CSPP1: variants seen among roughly 807,000 people sequenced by gnomAD.
The protein encoded by CSPP1 is centrosome and spindle pole-associated protein 1.
CSPP1 carries 126 observed loss-of-function variants against 164.4 expected under a neutral mutation model. The observed-to-expected ratio is 0.77, with a 90% confidence interval of 0.66 to 0.89. The LOEUF is 0.89. CSPP1 is among the 40% of genes least tolerant of loss of function. CSPP1 has a pLI of 0.00. For missense variants in CSPP1, 1,395 were observed against 1,449.8 expected, an observed-to-expected ratio of 0.96 and a Z score of 0.61; for synonymous variants, 472 against 476.7, an observed-to-expected ratio of 0.99 and a Z score of 0.13.
intron 15 of CSPP1, among the ~76,000 whole-genome samples, chr8:67,129,224 T>G (rs1820719747): frequency 6.6e-6 from 1 of 152,166 alleles, no homozygotes; most frequent in South Asian, 2.1e-4. Context: ...TTTTATTTAA[T>G]GATGATAGAT....
intron 1 of CSPP1, among the ~76,000 whole-genome samples, chr8:67,067,176 G>A (rs1445514549): frequency 6.6e-6 from 1 of 152,180 alleles, no homozygotes; most frequent in Non-Finnish European, 1.5e-5. Context: ...TCCTTGAGAG[G>A]GAAAAGGATA....
Position 67,159,108 on chromosome 8 carries a change from A to G in CSPP1, c.2509A>G (p.Arg837Gly). The change falls in exon 21 of 31, where the codon AGA becomes GGA. Residue 837 changes from arginine (R) to glycine (G), a missense_variant. By Grantham distance (125) the Arg-to-Gly change is moderately radical. Transcript: ENST00000678616. The stretch of plus-strand genomic sequence containing the variant: ...CCTGCAACTTCAGCACTACTGTGAA[A>G]GAGACAATTTGATTGGGGAAGAAAC... Reference protein sequence around the residue: ...YNLQLQHYCERDNLIGEETKH... With the variant: ...YNLQLQHYCEGDNLIGEETKH... 6.2e-7 allele frequency: 1 copy of G among 1,602,860 alleles called. No individual in the cohort carries two copies. Among genetic ancestry groups the G allele is most frequent in the Non-Finnish European group, 8.5e-7 (1 of 1,177,436 alleles).
chr8:67,195,352 C>T (rs1448592076), intron 30 of CSPP1, 30 bp from the exon 31 acceptor site: 1 of 1,513,124 alleles, frequency 6.6e-7, no homozygotes, highest in African/African-American at 1.4e-5. Flanking sequence ...ACCTGTGTTA[C>T]CTGAGCCACG....
intron 28 of CSPP1, among the ~76,000 whole-genome samples, chr8:67,185,050 AG>A (rs1403344106): frequency 6.7e-6 from 1 of 148,856 alleles, no homozygotes; most frequent in Non-Finnish European, 1.5e-5. Context: ...GCTTGCAGTG[AG>A]CTGAGATCGC....
intron 2 of CSPP1, 45 bp downstream of exon 2, chr8:67,074,396 T>C: frequency 8.5e-7 from 1 of 1,181,756 alleles, no homozygotes; most frequent in South Asian, 1.3e-5. Flanking sequence ...TATAATTGTC[T>C]ATGGAGATTA....
intron 2 of CSPP1, chr8:67,074,721 A>G (rs1451911958): frequency 4.1e-6 from 1 of 242,786 alleles, no homozygotes; most frequent in East Asian, 1.5e-4. Context: ...AAATCTGAAA[A>G]AGTGAATTTA....
intron 4 of CSPP1, 27 bp downstream of exon 4, chr8:67,086,137 T>A (rs779619414): frequency 6.0e-6 from 6 of 995,464 alleles, no homozygotes; most frequent in Non-Finnish European, 9.8e-6. Flanking sequence ...ATGAGTTGGG[T>A]TTAATGTTTC....
At chr8:67,122,293 A>C (rs975838717) in intron 15 of CSPP1, among the ~76,000 whole-genome samples, 2 of 148,802 alleles carry the variant, frequency 1.3e-5, no homozygotes, top group East Asian at 3.9e-4. Flanking sequence ...GTTTGCTCTC[A>C]TTTTTCTGGT....
At chr8:67,083,551 ATATAT>A (rs1809750963) in intron 3 of CSPP1, 3 of 99,920 alleles carry the variant, frequency 3.0e-5, no homozygotes, top group African/African-American at 1.2e-4. Flanking sequence ...AAAAAAAAAT[ATATAT>A]ATATATATAT....
At chr8:67,073,101 A>G (rs796814277) in intron 1 of CSPP1, among the ~76,000 whole-genome samples, 9 of 152,304 alleles carry the variant, frequency 5.9e-5, no homozygotes, top group African/African-American at 2.2e-4. Flanking sequence ...CGCCCTGGCA[A>G]GGATGTGTAG....
chr8:67,161,694 C>A (rs1828384509), intron 21 of CSPP1, 117 bp from the exon 22 acceptor site: 1 of 552,944 alleles, frequency 1.8e-6, no homozygotes, highest in South Asian at 3.1e-5. Context: ...TAAATAAAAG[C>A]AATAACAATC....
At chr8:67,106,107 A>G (rs1815467630) in intron 9 of CSPP1, 132 bp downstream of exon 9, 2 of 603,272 alleles carry the variant, frequency 3.3e-6, no homozygotes, top group Admixed American at 3.0e-5. Context: ...CTTACTTTAC[A>G]CTAGGTACTA....
At chr8:67,167,055 C>G (rs1221664308) in intron 24 of CSPP1, among the ~76,000 whole-genome samples, 15 of 152,222 alleles carry the variant, frequency 9.9e-5, no homozygotes, top group Non-Finnish European at 1.9e-4. Context: ...GGTCATAGAT[C>G]AACAGCATCC....
chr8:67,163,477 T>G (rs1458595586), intron 22 of CSPP1, among the ~76,000 whole-genome samples: 1 of 151,780 alleles, frequency 6.6e-6, no homozygotes, highest in Non-Finnish European at 1.5e-5. Flanking sequence ...GTGAAGGGAT[T>G]CTGTTTGGGT....
chr8:67,192,804 G>GT (rs148026011), intron 29 of CSPP1, among the ~76,000 whole-genome samples: 7,187 of 152,238 alleles, frequency 0.047, 246 homozygotes, highest in Non-Finnish European at 0.076. Flanking sequence ...GTCCATAAAC[G>GT]TAAGGATTTA....
chr8:67,181,315 G>A (rs956804531), intron 28 of CSPP1, among the ~76,000 whole-genome samples: 1 of 149,884 alleles, frequency 6.7e-6, no homozygotes, highest in African/African-American at 2.5e-5. Flanking sequence ...TGGGATTACA[G>A]GCATGAGCCA....
At chr8:67,114,842 C>T (rs111831670) in intron 12 of CSPP1, 97 of 152,268 alleles carry the variant, frequency 6.4e-4, no homozygotes, top group African/African-American at 2.1e-3. Flanking sequence ...TGAATTGAAG[C>T]TCCTATACAG....
intron 26 of CSPP1, among the ~76,000 whole-genome samples, chr8:67,176,032 A>G (rs552732699): frequency 4.6e-5 from 7 of 150,642 alleles, no homozygotes; most frequent in Admixed American, 4.6e-4. Context: ...GTGATGCTAA[A>G]GAAGTACAAC....
intron 4 of CSPP1, 33 bp downstream of exon 4, chr8:67,086,143 G>A (rs746680569): frequency 1.0e-6 from 1 of 969,874 alleles, no homozygotes; most frequent in Non-Finnish European, 1.7e-6. Flanking sequence ...TGGGTTTAAT[G>A]TTTCAGAATT....
Sources: gnomAD v4.1 joint callset for allele counts (sites outside exome capture counted in the v4.1 genomes callset) on GRCh38, gnomAD v4.1.1 for gene constraint, MANE v1.5 for transcripts, NCBI Gene and HGNC (gene_info 2026-07-23, HGNC 2026-07-21) for gene names.